Variants in ARSB observed in about 807,000 individuals in gnomAD.
ARSB encodes arylsulfatase B, also known as N-acetylgalactosamine-4-sulfatase.
ARSB carries 41 observed loss-of-function variants against 50.9 expected under a neutral mutation model. The ratio of observed to expected loss-of-function variants is 0.81; its 90% CI spans 0.63 to 1.04. The LOEUF is 1.04. ARSB is among the 50% of genes least tolerant of loss of function. The pLI is 0.00. For synonymous variants in ARSB, 269 were observed against 284.8 expected (o/e 0.94, Z 0.56); for missense variants, 672 against 693.3 (o/e 0.97, Z 0.35).
rs550705914 is a variant in ARSB at position 78,901,866 on chromosome 5, C to CA, written c.899-16040dup. 4.5e-4 allele frequency among the ~76,000 whole-genome samples: 68 copies of CA among 152,280 alleles called. No individual in the cohort carries two copies. In the East Asian group the frequency reaches 0.012, roughly 28 times the overall value. On this transcript the variant is annotated intron_variant, in intron 4 of 7. Coordinates refer to ENST00000264914, the MANE Select transcript of ARSB (RefSeq NM_000046.5). ...TAGGATTACTATATAACAAAAAAGA[C>CA]AGACAATTGACAAGTGGTGGTAAGG...
intron 4 of ARSB, among the ~76,000 whole-genome samples, chr5:78,920,553 C>T (rs34830838): frequency 0.23 from 35,073 of 152,002 alleles, 4,544 homozygotes; most frequent in Admixed American, 0.31. Flanking sequence ...CCCTGCTAGC[C>T]ACAGGCCATA....
chr5:78,850,181 T>C (rs1231740807), intron 5 of ARSB, among the ~76,000 whole-genome samples: 1 of 152,268 alleles, frequency 6.6e-6, no homozygotes, highest in Non-Finnish European at 1.5e-5. Context: ...CCATTCAGTA[T>C]ATTGGCTGTG....
At chr5:78,851,155 G>A (rs945975976) in intron 5 of ARSB, among the ~76,000 whole-genome samples, 4 of 152,244 alleles carry the variant, frequency 2.6e-5, no homozygotes, top group East Asian at 1.9e-4. Flanking sequence ...TGATGTTAGG[G>A]TGTCAATTTT....
At chr5:78,919,795 C>T (rs1749716585) in intron 4 of ARSB, among the ~76,000 whole-genome samples, 1 of 152,156 alleles carries the variant, frequency 6.6e-6, no homozygotes, top group African/African-American at 2.4e-5. Context: ...GCCACCGCAC[C>T]CTGCTGAGAG....
chr5:78,979,632 G>T (rs1221729238), intron 1 of ARSB, among the ~76,000 whole-genome samples: 1 of 152,096 alleles, frequency 6.6e-6, no homozygotes, highest in Non-Finnish European at 1.5e-5. Context: ...CTTTCAGTGG[G>T]TCCCTGTTTC....
chr5:78,829,867 C>T (rs919026027), intron 6 of ARSB, among the ~76,000 whole-genome samples: 33 of 152,118 alleles, frequency 2.2e-4, no homozygotes, highest in African/African-American at 8.0e-4. Context: ...TAGACTCTTT[C>T]AAGAAAGATG....
At chr5:78,982,868 C>T (rs1375971779) in intron 1 of ARSB, among the ~76,000 whole-genome samples, 1 of 152,110 alleles carries the variant, frequency 6.6e-6, no homozygotes, top group Non-Finnish European at 1.5e-5. Flanking sequence ...GGAAGCAAGG[C>T]TGCTTTAGAA....
At chr5:78,889,818 G>A (rs1748199552) in intron 4 of ARSB, among the ~76,000 whole-genome samples, 1 of 152,144 alleles carries the variant, frequency 6.6e-6, no homozygotes, top group South Asian at 2.1e-4. Context: ...GTGTGGCTTG[G>A]CCGTGGAGGG....
chr5:78,944,875 G>T (rs1201105401), intron 4 of ARSB, among the ~76,000 whole-genome samples: 1 of 152,358 alleles, frequency 6.6e-6, no homozygotes, highest in East Asian at 1.9e-4. Context: ...TGCCCCCAGA[G>T]GTGGAGTCTA....
chr5:78,975,706 G>A (rs1318926180), intron 1 of ARSB, among the ~76,000 whole-genome samples: 2 of 152,276 alleles, frequency 1.3e-5, no homozygotes, highest in South Asian at 4.1e-4. Context: ...AGAAGTAAAG[G>A]CATTAGAAAT....
intron 1 of ARSB, among the ~76,000 whole-genome samples, chr5:78,974,725 G>T (rs1752593071): frequency 6.6e-6 from 1 of 152,148 alleles, no homozygotes; most frequent in Non-Finnish European, 1.5e-5. Flanking sequence ...ATAAAATCTG[G>T]AATTGTTTCT....
At chr5:78,962,453 G>A (rs1343929170) in intron 3 of ARSB, among the ~76,000 whole-genome samples, 1 of 151,796 alleles carries the variant, frequency 6.6e-6, no homozygotes, top group Non-Finnish European at 1.5e-5. Context: ...GCATAGGAGA[G>A]TGATCGCCAA....
At chr5:78,965,799 A>G (rs1752179544) in intron 2 of ARSB, among the ~76,000 whole-genome samples, 1 of 152,174 alleles carries the variant, frequency 6.6e-6, no homozygotes, top group African/African-American at 2.4e-5. Context: ...AGTTTATATA[A>G]TAAATCAATT....
At chr5:78,934,304 T>C (rs1580082980) in intron 4 of ARSB, among the ~76,000 whole-genome samples, 3 of 152,334 alleles carry the variant, frequency 2.0e-5, no homozygotes, top group South Asian at 2.1e-4. Context: ...CTTTCAAATA[T>C]AGATAAGCAT....
intron 2 of ARSB, among the ~76,000 whole-genome samples, chr5:78,966,600 C>T (rs975861931): frequency 1.3e-5 from 2 of 152,200 alleles, no homozygotes; most frequent in Non-Finnish European, 2.9e-5. Flanking sequence ...GGCTGCAAGT[C>T]TCCCTTCAAA....
intron 4 of ARSB, among the ~76,000 whole-genome samples, chr5:78,940,357 A>G (rs1287283742): frequency 2.0e-5 from 3 of 152,204 alleles, no homozygotes; most frequent in Admixed American, 1.3e-4. Flanking sequence ...GTCCTTGCCC[A>G]TGCCTATGTC....
At chr5:78,851,222 C>T (rs1745759788) in intron 5 of ARSB, among the ~76,000 whole-genome samples, 1 of 152,164 alleles carries the variant, frequency 6.6e-6, no homozygotes, top group Admixed American at 6.5e-5. Context: ...CCACTACACA[C>T]TGCTTTGAAT....
intron 5 of ARSB, among the ~76,000 whole-genome samples, chr5:78,874,988 C>T (rs1435781832): frequency 1.3e-5 from 2 of 152,112 alleles, no homozygotes; most frequent in East Asian, 1.9e-4. Flanking sequence ...CAGTACATGC[C>T]TGTAGTGCCA....
At chr5:78,903,739 A>C (rs576911674) in intron 4 of ARSB, among the ~76,000 whole-genome samples, 12 of 152,368 alleles carry the variant, frequency 7.9e-5, no homozygotes, top group African/African-American at 2.9e-4. Context: ...TTATGGAATC[A>C]AATGGAAAAT....
Sources: allele counts gnomAD v4.1 joint callset (sites outside exome capture counted in the v4.1 genomes callset), GRCh38; gene constraint gnomAD v4.1.1; transcripts MANE v1.5; gene names NCBI Gene and HGNC (gene_info 2026-07-23, HGNC 2026-07-21).